The following FAM107B variants were observed in gnomAD, a reference collection of about 807,000 sequenced individuals.
FAM107B encodes the protein family with sequence similarity 107 member B.
In FAM107B, 21 loss-of-function variants were observed where a neutral mutation model predicts 31.5. The ratio of observed to expected loss-of-function variants is 0.67; its 90% CI spans 0.47 to 0.96. The LOEUF (loss-of-function observed/expected upper bound fraction) is 0.96, where lower values mean the gene tolerates loss of function less well. Among genes scored for constraint, FAM107B ranks in the 40% least tolerant of loss-of-function variants. FAM107B has a pLI of 0.00. For missense variants in FAM107B, 452 were observed against 377.1 expected (o/e 1.20, Z -1.64); for synonymous variants, 157 against 141.5 (o/e 1.11, Z -0.78).
intron 2 of FAM107B, among the ~76,000 whole-genome samples, chr10:14,537,568 G>C (rs1197334214): frequency 6.6e-6 from 1 of 152,134 alleles, no homozygotes; most frequent in African/African-American, 2.4e-5. Context: ...GCTGGGCTGC[G>C]GTGGCTCATA....
intron 1 of FAM107B, among the ~76,000 whole-genome samples, chr10:14,676,671 C>T (rs555260982): frequency 3.2e-4 from 48 of 152,156 alleles, no homozygotes; most frequent in African/African-American, 1.1e-3. Flanking sequence ...ATTCTATTAA[C>T]TAAAATGACT....
chr10:14,673,989 G>C (rs2131483585), intron 1 of FAM107B, among the ~76,000 whole-genome samples: 1 of 151,628 alleles, frequency 6.6e-6, no homozygotes, highest in Admixed American at 6.6e-5. Flanking sequence ...TTTTTGTTTT[G>C]TTTGTTTGCT....
chr10:14,550,684 G>GT (rs1243268956), intron 2 of FAM107B, among the ~76,000 whole-genome samples: 3 of 152,112 alleles, frequency 2.0e-5, no homozygotes, highest in Non-Finnish European at 2.9e-5. Flanking sequence ...TTCTTTTGTT[G>GT]TAACAGGATT....
chr10:14,669,144 G>A (rs754536205), intron 1 of FAM107B, among the ~76,000 whole-genome samples: 11 of 151,992 alleles, frequency 7.2e-5, no homozygotes, highest in Non-Finnish European at 1.3e-4. Flanking sequence ...GAGGCGGGTG[G>A]ATTGCCTGAG....
chr10:14,635,237 G>A (rs74122861), intron 2 of FAM107B, among the ~76,000 whole-genome samples: 5,353 of 152,142 alleles, frequency 0.035, 279 homozygotes, highest in African/African-American at 0.11. Flanking sequence ...AGCTGGAAGC[G>A]GAAGAGGAGA....
chr10:14,705,426 G>A (rs909070372), intron 1 of FAM107B, among the ~76,000 whole-genome samples: 5 of 152,136 alleles, frequency 3.3e-5, no homozygotes, highest in Admixed American at 6.6e-5. Flanking sequence ...GCTCCTAGCA[G>A]CATTGTCTAC....
At chr10:14,576,999 G>T (rs950969172) in intron 2 of FAM107B, among the ~76,000 whole-genome samples, 2 of 152,144 alleles carry the variant, frequency 1.3e-5, no homozygotes, top group Admixed American at 1.3e-4. Flanking sequence ...TGGCTTTTTT[G>T]ATCAATAATT....
In FAM107B at chr10:14,727,575, A is replaced by AT. The variant is rs201179730; in HGVS notation, c.411+46677dup. Among the ~76,000 whole-genome samples, 12 of 152,356 alleles carry AT rather than the reference A, an allele frequency of 7.9e-5. No homozygotes were observed. The East Asian group carries it at 2.3e-3, about 29-fold the overall frequency. ...ACTGATGACTCTTGGGAATTGGTGT[A>AT]TAAATACCCCAGCTCCCTCACCCTC... On this transcript the variant is annotated intron_variant, in intron 1 of 4. Coordinates refer to ENST00000181796, the MANE Select transcript of FAM107B (RefSeq NM_031453.4).
At chr10:14,646,789 C>CTTTTTTT (rs369557470) in intron 2 of FAM107B, among the ~76,000 whole-genome samples, 20 of 86,760 alleles carry the variant, frequency 2.3e-4, no homozygotes, top group Middle Eastern at 0.014. Context: ...CCATTTTCTC[C>CTTTTTTT]TTTTTTTTTT....
intron 1 of FAM107B, among the ~76,000 whole-genome samples, chr10:14,759,846 C>A (rs2609815): frequency 6.6e-6 from 1 of 151,642 alleles, no homozygotes; most frequent in African/African-American, 2.4e-5. Flanking sequence ...CGAGTGTCTG[C>A]GACTACAGGT....
At chr10:14,766,754 A>T (rs1469012573) in intron 1 of FAM107B, among the ~76,000 whole-genome samples, 1 of 151,682 alleles carries the variant, frequency 6.6e-6, no homozygotes, top group Non-Finnish European at 1.5e-5. Context: ...TGATTCAGGA[A>T]GATGTAGAAA....
rs116303635 is a variant in FAM107B, at chr10:14,724,136, G to A, written c.411+50117C>T. On this transcript the variant is annotated intron_variant, in intron 1 of 4. Transcript: ENST00000181796. ...CCTCTGTGGGTAGCGCGGAAAGGCT[G>A]CATGTATCTTCTATGCATGTGTCTT... is the stretch of plus-strand genomic sequence containing the variant. 2.6e-3 allele frequency: 1,347 copies of A among 522,670 alleles called. 11 individuals are homozygous for A. Among genetic ancestry groups the A allele is most frequent in the African/African-American group, 0.022 (1,117 of 51,740 alleles). 32.4% of individuals were successfully genotyped at this position (522,670 alleles called of 1,614,324 possible).
intron 2 of FAM107B, among the ~76,000 whole-genome samples, chr10:14,536,471 C>T (rs903474521): frequency 1.3e-5 from 2 of 152,152 alleles, no homozygotes; most frequent in Admixed American, 6.5e-5. Context: ...AACTCCAGGC[C>T]GGGTCAGCCT....
At chr10:14,723,628 G>C in intron 1 of FAM107B, 1 of 711,446 alleles carries the variant, frequency 1.4e-6, no homozygotes, top group Non-Finnish European at 2.6e-6. Context: ...AGCAATGATG[G>C]GAAGGTTAAC....
chr10:14,681,297 C>T lies in FAM107B; in HGVS notation c.412-13606G>A, dbSNP rs576770047. 9.2e-5 allele frequency among the ~76,000 whole-genome samples: 14 copies of T among 152,268 alleles called. No individual in the cohort carries two copies. The South Asian group carries it at 1.7e-3, about 18-fold the overall frequency. ...CTAGTACACACTGAAGTTTGAGAAT[C>T]ACCGTTGCAAAGGAGGCAGGTATGG... On this transcript the variant is annotated intron_variant, in intron 1 of 4. Transcript: ENST00000181796.
At chr10:14,695,253 G>T (rs1197160388) in intron 1 of FAM107B, among the ~76,000 whole-genome samples, 1 of 152,080 alleles carries the variant, frequency 6.6e-6, no homozygotes, top group Non-Finnish European at 1.5e-5. Flanking sequence ...TTACTGAAGA[G>T]ACCCTCCTTT....
chr10:14,723,273 A>G, intron 1 of FAM107B: 1 of 536,118 alleles, frequency 1.9e-6, no homozygotes, highest in Non-Finnish European at 3.7e-6. Flanking sequence ...TCAGTAGGGA[A>G]CTGCTGAATA....
At chr10:14,743,335 T>C (rs1175304529) in intron 1 of FAM107B, among the ~76,000 whole-genome samples, 4 of 152,244 alleles carry the variant, frequency 2.6e-5, no homozygotes, top group Non-Finnish European at 5.9e-5. Flanking sequence ...ATAGTTTCTT[T>C]TGCTGTGCAA....
chr10:14,691,743 A>T (rs1053581871), intron 1 of FAM107B, among the ~76,000 whole-genome samples: 1 of 151,912 alleles, frequency 6.6e-6, no homozygotes, highest in Non-Finnish European at 1.5e-5. Context: ...AAATACAAAA[A>T]ATTAGCCAGG....
Sources: allele counts gnomAD v4.1 joint callset (sites outside exome capture counted in the v4.1 genomes callset), GRCh38; gene constraint gnomAD v4.1.1; transcripts MANE v1.5; gene names NCBI Gene and HGNC (gene_info 2026-07-23, HGNC 2026-07-21).